Variants in BCAN observed in about 807,000 individuals in gnomAD.
The protein encoded by BCAN is brevican core protein.
BCAN carries 51 observed loss-of-function variants against 92.4 expected under a neutral mutation model. That is an observed-to-expected ratio of 0.55 (90% CI 0.44 to 0.70). The LOEUF (loss-of-function observed/expected upper bound fraction) is 0.70. Among genes scored for constraint, BCAN ranks in the 30% least tolerant of loss-of-function variants. BCAN has a pLI of 0.00. For synonymous variants in BCAN, 501 were observed against 505.2 expected (o/e 0.99, Z 0.11); for missense variants, 1,140 against 1,212.1 (o/e 0.94, Z 0.88).
In BCAN at chr1:156,652,621, C is replaced by A. The variant is rs773734256; in HGVS notation, c.1671C>A (p.Ser557=). 1 of 1,614,030 alleles carries A rather than the reference C, an allele frequency of 6.2e-7. No individual in the cohort carries two copies. The highest frequency in any genetic ancestry group is 1.3e-5 in the African/African-American group (1 of 75,060). ...GGAACCTAGCATCCCCATCACCTTC[C>A]ACTCTGGTTGAGGCAAGAGAGGTGG... ...RERNLASPSP[S]TLVEAREVGE... Residue 557 remains serine, a synonymous_variant, in exon 8 of 14, where the codon TCC becomes TCA. Transcript: ENST00000329117.
intron 11 of BCAN, 90 bp downstream of exon 11, chr1:156,657,847 CCTT>C: frequency 8.8e-7 from 1 of 1,141,762 alleles, no homozygotes; most frequent in African/African-American, 1.6e-5. Flanking sequence ...GACCCTGTCC[CCTT>C]CTTTTTCCGG....
Position 156,651,633 on chromosome 1 carries a change from G to A in BCAN, c.1241G>A (p.Gly414Glu), listed in dbSNP as rs949759031. Reference sequence around the variant, plus strand: ...TACTCCATCCCCATCATGGAGGACGGAGGAGGTGGAAGCTCCACTCCAGAA... The same window carrying A: ...TACTCCATCCCCATCATGGAGGACGAAGGAGGTGGAAGCTCCACTCCAGAA... ...AIYSIPIMED[G>E]GGGSSTPEDP... Residue 414 changes from glycine (G) to glutamate (E), a missense_variant, in exon 7 of 14, where the codon GGA (glycine) becomes GAA (glutamate). Gly to Glu is a moderately conservative substitution (Grantham distance 98). This residue lies in a region of BCAN where 825 missense variants were observed against 871.8 expected (regional missense o/e 0.95). Coordinates refer to ENST00000329117, the MANE Select transcript of BCAN (RefSeq NM_021948.5). 3.7e-6 allele frequency: 6 copies of A among 1,613,652 alleles called. No homozygotes were observed. The highest frequency in any genetic ancestry group is 2.2e-5 in the South Asian group (2 of 91,072).
chr1:156,644,072 A>T (rs1678884635), intron 1 of BCAN: 1 of 152,184 alleles, frequency 6.6e-6, no homozygotes, highest in Admixed American at 6.5e-5. Context: ...GGAGAGACAG[A>T]GCTCTCTCAG....
Position 156,658,247 on chromosome 1 carries a change from T to A in BCAN, c.2413T>A (p.Ser805Thr). The change falls in exon 12 of 14, where the codon TCC becomes ACC. Residue 805 changes from serine (S) to threonine (T), a missense_variant. Coordinates refer to ENST00000329117, the MANE Select transcript of BCAN (RefSeq NM_021948.5). The surrounding 1 kb of genome is among the most constrained non-coding windows in gnomAD (Gnocchi z 4.4). ...WSDVPCNYHL[S>T]YTCKMGLVSC... ...TGACGTGCCCTGCAACTACCACCTGTCCTACACCTGCAAGATGGGGCTGGG... is the reference window on the plus strand; with the variant it reads ...TGACGTGCCCTGCAACTACCACCTGACCTACACCTGCAAGATGGGGCTGGG... 2 of 1,613,780 alleles carry A rather than the reference T, an allele frequency of 1.2e-6. No homozygotes were observed. Among genetic ancestry groups the A allele is most frequent in the South Asian group, 1.1e-5 (1 of 91,066 alleles).
At position 156,647,293 on chromosome 1, in the gene BCAN, T is replaced by C; in HGVS notation, c.466+118T>C. 7.5e-7 allele frequency: 1 copy of C among 1,332,402 alleles called. No individual in the cohort carries two copies. The highest frequency in any genetic ancestry group is 2.6e-5 in the East Asian group (1 of 38,640). 82.5% of individuals were successfully genotyped at this position (1,332,402 alleles called of 1,614,324 possible). A position where few individuals can be genotyped will look rare whatever the true frequency, so the allele number is the denominator to read the frequency against. On this transcript the variant is annotated intron_variant, in intron 3 of 13. Coordinates refer to ENST00000329117, the MANE Select transcript of BCAN (RefSeq NM_021948.5). The surrounding 1 kb of genome is among the most constrained non-coding windows in gnomAD (Gnocchi z 4.8). ...AGGTAGCTGGAAGGCGCAGCCTGGG[T>C]TGGAAAAAGAGTGAGGAGACACGGG...
At chr1:156,653,418 T>C (rs1679241599) in intron 8 of BCAN, 1 of 994,650 alleles carries the variant, frequency 1.0e-6, no homozygotes. Flanking sequence ...TTTTTGACTG[T>C]TTCATGGAAA....
At chr1:156,645,676 ACTGT>A (rs1678938356) in intron 1 of BCAN, among the ~76,000 whole-genome samples, 1 of 152,200 alleles carries the variant, frequency 6.6e-6, no homozygotes, top group Non-Finnish European at 1.5e-5. Context: ...CTGAGCTCCT[ACTGT>A]CTGCCTGGTG....
intron 8 of BCAN, chr1:156,653,386 A>G: frequency 9.9e-7 from 1 of 1,011,198 alleles, no homozygotes; most frequent in South Asian, 4.6e-5. Flanking sequence ...CAGAGCCTTA[A>G]GCAACTACTT....
Position 156,657,743 on chromosome 1 carries a change from G to C in BCAN, c.2278G>C (p.Asp760His), listed in dbSNP as rs1329743004. The change falls in exon 11 of 14, where the codon GAT becomes CAT. Residue 760 changes from aspartate to histidine, a missense_variant. This residue lies in a region of BCAN where 825 missense variants were observed against 871.8 expected (regional missense o/e 0.95). Transcript: ENST00000329117. ...CATCGAAGGCGACTTCTTGTGGTCG[G>C]ATGGCGTCCCCCTGGTGAGAGGCCC... The part of the protein sequence containing the change: ...RTIEGDFLWS[D>H]GVPLLYENWN... The C allele has an allele frequency of 1.9e-6, 3 of 1,612,220 alleles. No homozygotes were observed. Among genetic ancestry groups the C allele is most frequent in the Non-Finnish European group, 2.5e-6 (3 of 1,179,360 alleles).
chr1:156,647,639 T>C lies in BCAN; in HGVS notation c.598T>C (p.Tyr200His), dbSNP rs1214258479. ...EQLYAAYLGG[Y>H]EQCDAGWLSD... is the part of the protein sequence containing the mutation. ...GCTCTATGCCGCCTACCTTGGGGGC[T>C]ATGAGCAATGTGATGCTGGCTGGCT... Residue 200 changes from tyrosine (Y) to histidine (H), a missense_variant, in exon 4 of 14, where the codon TAT becomes CAT. Transcript: ENST00000329117. The surrounding 1 kb of genome is among the most constrained non-coding windows in gnomAD (Gnocchi z 4.8). 1.2e-6 allele frequency: 2 copies of C among 1,609,168 alleles called. No individual in the cohort carries two copies. The highest frequency in any genetic ancestry group is 1.7e-6 in the Non-Finnish European group (2 of 1,177,534).
At position 156,647,803 on chromosome 1, in the gene BCAN, GA is replaced by G; in HGVS notation, c.641+122del. On this transcript the variant is annotated intron_variant, in intron 4 of 13. Coordinates refer to ENST00000329117, the MANE Select transcript of BCAN (RefSeq NM_021948.5). This position sits in a 1 kb window ranked among gnomAD's most constrained non-coding sequence, Gnocchi z 4.8. ...GCAGGGCTTTTTGCCTCTGGGGGAT[GA>G]GGCTGGTCTGAGGAGGGGAGGTGAG... 6.5e-7 allele frequency: 1 copy of G among 1,538,876 alleles called. No individual in the cohort carries two copies. The highest frequency in any genetic ancestry group is 8.9e-7 in the Non-Finnish European group (1 of 1,121,050).
intron 8 of BCAN, chr1:156,653,431 A>T (rs757609130): frequency 3.3e-5 from 33 of 991,986 alleles, no homozygotes; most frequent in Non-Finnish European, 3.8e-5. Flanking sequence ...CATGGAAAAC[A>T]AGCCTTGGAA....
chr1:156,658,462 C>A lies in BCAN; in HGVS notation c.2438-81C>A. On this transcript the variant is annotated intron_variant, in intron 12 of 13. Transcript: ENST00000329117. The surrounding 1 kb of genome is among the most constrained non-coding windows in gnomAD (Gnocchi z 4.4). Reference sequence around the variant, plus strand: ...TGATCTTTTTTTGTCATGTTGTGGCCCATTTTTCTCTTCCCCATGGAGATT... The same window carrying A: ...TGATCTTTTTTTGTCATGTTGTGGCACATTTTTCTCTTCCCCATGGAGATT... 6.5e-7 allele frequency: 1 copy of A among 1,526,936 alleles called. No homozygotes were observed. The highest frequency in any genetic ancestry group is 8.8e-7 in the Non-Finnish European group (1 of 1,130,838). 94.6% of individuals were successfully genotyped at this position (1,526,936 alleles called of 1,614,324 possible).
chr1:156,646,433 G>A, intron 2 of BCAN: 1 of 501,910 alleles, frequency 2.0e-6, no homozygotes, highest in East Asian at 3.1e-5. Flanking sequence ...AAACCCTGAA[G>A]GAGGCCCTAA....
intron 8 of BCAN, chr1:156,653,275 T>C: frequency 8.7e-7 from 1 of 1,154,052 alleles, no homozygotes; most frequent in Non-Finnish European, 1.1e-6. Flanking sequence ...TTCATCCGCC[T>C]GTGTGCCGTC....
At chr1:156,646,235 T>C (rs911318745) in intron 2 of BCAN, 90 bp downstream of exon 2, 1 of 1,257,742 alleles carries the variant, frequency 8.0e-7, no homozygotes, top group South Asian at 1.3e-5. Context: ...AGAGAGAGAA[T>C]TGGAGGGCTG....
chr1:156,659,018 C>T lies in BCAN; in HGVS notation c.2629-9C>T. On this transcript the variant is annotated splice_polypyrimidine_tract_variant and intron_variant, in intron 13 of 13. Transcript: ENST00000329117. ...GCCAGGGTGGAGGGTGAGTGTGTGT[C>T]TTCCCCAGGCCCGAGCTCTGCACCC... The T allele has an allele frequency of 1.3e-6, 2 of 1,588,284 alleles. No individual in the cohort carries two copies. The highest frequency in any genetic ancestry group is 1.7e-6 in the Non-Finnish European group (2 of 1,168,790).
At chr1:156,653,807 C>T (rs1471857800) in intron 8 of BCAN, among the ~76,000 whole-genome samples, 2 of 152,086 alleles carry the variant, frequency 1.3e-5, no homozygotes, top group African/African-American at 4.8e-5. Flanking sequence ...GTCCCTCACT[C>T]CTGATGAGGA....
At chr1:156,653,387 G>A in intron 8 of BCAN, 1 of 1,009,808 alleles carries the variant, frequency 9.9e-7, no homozygotes, top group Middle Eastern at 5.0e-4. Flanking sequence ...AGAGCCTTAA[G>A]CAACTACTTC....
Sources: gnomAD v4.1 joint callset for allele counts (sites outside exome capture counted in the v4.1 genomes callset) on GRCh38, gnomAD v4.1.1 for gene constraint, gnomAD v4.1.1 regional missense constraint, Gnocchi (gnomAD v3.1) non-coding constraint, MANE v1.5 for transcripts, NCBI Gene and HGNC (gene_info 2026-07-23, HGNC 2026-07-21) for gene names.